Variants in TMEM132C observed in about 807,000 individuals in gnomAD.
TMEM132C encodes the protein protein phosphatase 1, regulatory subunit 152.
TMEM132C carries 29 observed loss-of-function variants against 61.4 expected under a neutral mutation model. The ratio of observed to expected loss-of-function variants is 0.47; its 90% CI spans 0.35 to 0.64. The LOEUF (loss-of-function observed/expected upper bound fraction) is 0.64, where lower values mean the gene tolerates loss of function less well. Ranked by LOEUF, TMEM132C falls within the 30% of genes least tolerant of loss-of-function variation. The probability of loss-of-function intolerance (pLI) is 0.00; values close to 1 mark genes in which losing one functional copy is unlikely to be tolerated. For missense variants in TMEM132C, 1,408 were observed against 1,476.9 expected, an observed-to-expected ratio of 0.95 and a Z score of 0.76; for synonymous variants, 656 against 633.1, an observed-to-expected ratio of 1.04 and a Z score of -0.54.
intron 3 of TMEM132C, among the ~76,000 whole-genome samples, chr12:128,599,471 C>T (rs890549588): frequency 7.9e-5 from 12 of 152,154 alleles, no homozygotes; most frequent in African/African-American, 2.2e-4. Flanking sequence ...CATGTTGCTC[C>T]GGAGGAGACG....
chr12:128,702,470 T>G (rs1954810891), intron 8 of TMEM132C, among the ~76,000 whole-genome samples: 1 of 152,202 alleles, frequency 6.6e-6, no homozygotes, highest in African/African-American at 2.4e-5. Context: ...CTTTGGAGTC[T>G]TCTATGATCT....
intron 3 of TMEM132C, among the ~76,000 whole-genome samples, chr12:128,562,055 T>A (rs1287019677): frequency 6.6e-6 from 1 of 151,912 alleles, no homozygotes; most frequent in African/African-American, 2.4e-5. Flanking sequence ...CAAATAAGGA[T>A]CCAATGCGCG....
chr12:128,460,404 A>T (rs574758945), intron 2 of TMEM132C, among the ~76,000 whole-genome samples: 2 of 151,982 alleles, frequency 1.3e-5, no homozygotes, highest in Admixed American at 6.6e-5. Context: ...TTTTCAACTT[A>T]GTAAGTCCAC....
intron 1 of TMEM132C, among the ~76,000 whole-genome samples, chr12:128,274,076 C>T (rs1258630525): frequency 1.3e-5 from 2 of 152,146 alleles, no homozygotes; most frequent in African/African-American, 4.8e-5. Context: ...TTGCTGCATT[C>T]AAGGAGAAAG....
intron 2 of TMEM132C, among the ~76,000 whole-genome samples, 172 bp from the exon 3 acceptor site, chr12:128,543,785 C>T (rs574413557): frequency 3.5e-4 from 53 of 152,068 alleles, no homozygotes; most frequent in Non-Finnish European, 6.9e-4. Flanking sequence ...AGGCAGATCC[C>T]GCTCGCCCTG....
intron 1 of TMEM132C, among the ~76,000 whole-genome samples, chr12:128,404,244 C>T (rs1203137641): frequency 6.6e-6 from 1 of 152,126 alleles, no homozygotes; most frequent in Non-Finnish European, 1.5e-5. Context: ...GAAGCAGGAC[C>T]TAGTAAAAAT....
At chr12:128,656,482 G>A (rs536758325) in intron 4 of TMEM132C, among the ~76,000 whole-genome samples, 7 of 152,292 alleles carry the variant, frequency 4.6e-5, no homozygotes, top group South Asian at 2.1e-4. Context: ...ACTGAGTTTC[G>A]TTCTCATTAA....
chr12:128,352,537 A>G (rs1196573414), intron 1 of TMEM132C, among the ~76,000 whole-genome samples: 1 of 152,190 alleles, frequency 6.6e-6, no homozygotes, highest in African/African-American at 2.4e-5. Context: ...TCATCCCAAA[A>G]CATCCAGACA....
chr12:128,267,851 G>A (rs1435372366), intron 1 of TMEM132C, among the ~76,000 whole-genome samples: 1 of 152,204 alleles, frequency 6.6e-6, no homozygotes, highest in African/African-American at 2.4e-5. Flanking sequence ...CTGTGGAACT[G>A]GCATCCAGGA....
At chr12:128,487,812 C>T (rs1871557546) in intron 2 of TMEM132C, among the ~76,000 whole-genome samples, 1 of 152,092 alleles carries the variant, frequency 6.6e-6, no homozygotes, top group Non-Finnish European at 1.5e-5. Context: ...TCAGTTTTGC[C>T]AGTCCTGGAA....
intron 4 of TMEM132C, among the ~76,000 whole-genome samples, chr12:128,633,117 A>G (rs1593127451): frequency 6.6e-6 from 1 of 152,050 alleles, no homozygotes; most frequent in African/African-American, 2.4e-5. Flanking sequence ...GGACTGGAGG[A>G]TCCATATTCA....
intron 2 of TMEM132C, among the ~76,000 whole-genome samples, chr12:128,513,334 C>G (rs1872624218): frequency 6.6e-6 from 1 of 152,120 alleles, no homozygotes; most frequent in Admixed American, 6.5e-5. Flanking sequence ...GGGGAAGAGT[C>G]AGGAGACAAG....
At chr12:128,362,641 A>G (rs1270169597) in intron 1 of TMEM132C, among the ~76,000 whole-genome samples, 1 of 152,210 alleles carries the variant, frequency 6.6e-6, no homozygotes, top group Non-Finnish European at 1.5e-5. Context: ...CAATGTGAAA[A>G]TCCAAAATCC....
intron 2 of TMEM132C, among the ~76,000 whole-genome samples, chr12:128,514,553 C>T (rs1178081580): frequency 6.6e-6 from 1 of 152,066 alleles, no homozygotes; most frequent in Non-Finnish European, 1.5e-5. Flanking sequence ...GCAATTTGTT[C>T]AGTGTTTGGG....
intron 1 of TMEM132C, among the ~76,000 whole-genome samples, chr12:128,373,384 G>A (rs548552699): frequency 2.0e-5 from 3 of 152,338 alleles, no homozygotes; most frequent in East Asian, 3.9e-4. Context: ...GGTAGCCTGA[G>A]AAAGAGAGAA....
At chr12:128,350,261 G>A (rs904054371) in intron 1 of TMEM132C, among the ~76,000 whole-genome samples, 2 of 152,124 alleles carry the variant, frequency 1.3e-5, no homozygotes, top group African/African-American at 4.8e-5. Flanking sequence ...AGAAATCCCT[G>A]CTGCTTTTGC....
intron 2 of TMEM132C, among the ~76,000 whole-genome samples, chr12:128,476,205 G>A (rs536285686): frequency 5.9e-5 from 9 of 152,260 alleles, no homozygotes; most frequent in Non-Finnish European, 1.2e-4. Context: ...GGATTAATTC[G>A]CTTGGAATGA....
chr12:128,303,690 G>A (rs1012001332), intron 1 of TMEM132C, among the ~76,000 whole-genome samples: 1 of 152,098 alleles, frequency 6.6e-6, no homozygotes, highest in Non-Finnish European at 1.5e-5. Flanking sequence ...TGTTTTCCTC[G>A]CTGCTGCTAG....
intron 1 of TMEM132C, among the ~76,000 whole-genome samples, chr12:128,272,057 A>G (rs1870539306): frequency 6.6e-6 from 1 of 152,244 alleles, no homozygotes; most frequent in African/African-American, 2.4e-5. Context: ...TTTGCACACA[A>G]TAAAATTCAC....
Sources: allele counts gnomAD v4.1 joint callset (sites outside exome capture counted in the v4.1 genomes callset), GRCh38; gene constraint gnomAD v4.1.1; transcripts MANE v1.5; gene names NCBI Gene and HGNC (gene_info 2026-07-23, HGNC 2026-07-21).